The following CFAP95 variants were observed in gnomAD, a reference collection of about 807,000 sequenced individuals.
CFAP95 encodes the protein cilia- and flagella-associated protein 95.
chr9:69,852,272 T>A, the CFAP95 span, among the ~76,000 whole-genome samples: 4 of 152,126 alleles, frequency 2.6e-5, no homozygotes, highest in Non-Finnish European at 5.9e-5. Context: ...AGATCTAAGA[T>A]AATAGATGCC....
At chr9:69,857,900 T>G in the CFAP95 span, 1 of 1,611,678 alleles carries the variant, frequency 6.2e-7, no homozygotes, top group African/African-American at 1.3e-5. Flanking sequence ...AAATGTTATC[T>G]TGTTTTAGGG....
At chr9:69,856,506 A>G in the CFAP95 span, 7 of 1,093,762 alleles carry the variant, frequency 6.4e-6, no homozygotes, top group South Asian at 1.4e-5. Flanking sequence ...GTAACTGACC[A>G]TTTGTAGTGA....
the CFAP95 span, among the ~76,000 whole-genome samples, chr9:69,836,229 C>T: frequency 2.0e-5 from 3 of 152,188 alleles, no homozygotes; most frequent in Admixed American, 1.3e-4. Flanking sequence ...AGTTTGGCTG[C>T]TCCATGAAGC....
chr9:69,906,177 G>A, the CFAP95 span: 1 of 1,452,966 alleles, frequency 6.9e-7, no homozygotes, highest in African/African-American at 1.4e-5. Context: ...AATGAAAAAT[G>A]GATGTAGCAG....
the CFAP95 span, chr9:69,884,920 A>G: frequency 6.6e-6 from 1 of 152,120 alleles, no homozygotes; most frequent in African/African-American, 2.4e-5. Flanking sequence ...TTTAATCATT[A>G]GTACTCAAAC....
the CFAP95 span, among the ~76,000 whole-genome samples, chr9:69,863,183 C>A: frequency 6.6e-6 from 1 of 152,206 alleles, no homozygotes; most frequent in East Asian, 1.9e-4. Flanking sequence ...AGTGAGTCTC[C>A]AAGGAATTGA....
the CFAP95 span, among the ~76,000 whole-genome samples, chr9:69,869,872 CATAAT>C: frequency 1.3e-5 from 2 of 152,070 alleles, no homozygotes; most frequent in African/African-American, 4.8e-5. Flanking sequence ...TATTACTCTT[CATAAT>C]ATTTAAAGTT....
At chr9:69,892,765 T>C in the CFAP95 span, among the ~76,000 whole-genome samples, 2 of 152,254 alleles carry the variant, frequency 1.3e-5, no homozygotes, top group African/African-American at 2.4e-5. Context: ...CAGTCAGACA[T>C]TGGAGAGAAG....
At chr9:69,844,422 T>C in the CFAP95 span, 1 of 690,110 alleles carries the variant, frequency 1.4e-6, no homozygotes, top group Non-Finnish European at 2.3e-6. Context: ...ATACTACAAA[T>C]ATAGAAAATT....
chr9:69,824,107 A>G, the CFAP95 span, among the ~76,000 whole-genome samples: 1 of 152,238 alleles, frequency 6.6e-6, no homozygotes, highest in African/African-American at 2.4e-5. Context: ...AATAATATCA[A>G]TAAATTCAGT....
the CFAP95 span, among the ~76,000 whole-genome samples, chr9:69,882,066 G>A: frequency 6.6e-6 from 1 of 151,330 alleles, no homozygotes; most frequent in Non-Finnish European, 1.5e-5. Context: ...CACTGCAACC[G>A]CTGCCTCCCA....
the CFAP95 span, among the ~76,000 whole-genome samples, chr9:69,885,490 A>T: frequency 6.6e-6 from 1 of 152,160 alleles, no homozygotes; most frequent in Admixed American, 6.5e-5. Context: ...CCTCCTGTGA[A>T]TCTAAGGCCA....
At chr9:69,823,675 C>T in the CFAP95 span, among the ~76,000 whole-genome samples, 8 of 152,260 alleles carry the variant, frequency 5.3e-5, no homozygotes, top group South Asian at 1.7e-3. Context: ...AGCAACAAGG[C>T]TGTTTATTTC....
the CFAP95 span, among the ~76,000 whole-genome samples, chr9:69,862,699 A>C: frequency 6.6e-6 from 1 of 152,210 alleles, no homozygotes; most frequent in Non-Finnish European, 1.5e-5. Flanking sequence ...GATAAGGTAT[A>C]GTTTTGTTAT....
chr9:69,895,000 G>GA, the CFAP95 span, among the ~76,000 whole-genome samples: 36 of 128,930 alleles, frequency 2.8e-4, no homozygotes, highest in Admixed American at 3.8e-4. Context: ...CAAAAAAAAA[G>GA]AAAAAAAAAA....
At chr9:69,873,359 C>T in the CFAP95 span, among the ~76,000 whole-genome samples, 1 of 152,128 alleles carries the variant, frequency 6.6e-6, no homozygotes, top group Non-Finnish European at 1.5e-5. Flanking sequence ...GCTAATTCAG[C>T]AGGTAGAAGT....
the CFAP95 span, among the ~76,000 whole-genome samples, chr9:69,849,548 A>G: frequency 1.3e-5 from 2 of 152,180 alleles, no homozygotes; most frequent in African/African-American, 2.4e-5. Context: ...GGAACACATA[A>G]CCACGGTGGC....
the CFAP95 span, among the ~76,000 whole-genome samples, chr9:69,864,740 T>C: frequency 1.3e-5 from 2 of 152,150 alleles, no homozygotes; most frequent in Non-Finnish European, 2.9e-5. Context: ...TCTGAGACAT[T>C]AGCATCTATA....
chr9:69,821,951 G>T, the CFAP95 span, among the ~76,000 whole-genome samples: 3 of 152,130 alleles, frequency 2.0e-5, no homozygotes, highest in Admixed American at 2.0e-4. Context: ...GTAAGTTCTT[G>T]CTTGGCCCCA....
Sources: allele counts gnomAD v4.1 joint callset (sites outside exome capture counted in the v4.1 genomes callset), GRCh38; gene constraint gnomAD v4.1.1; transcripts MANE v1.5; gene names NCBI Gene and HGNC (gene_info 2026-07-23, HGNC 2026-07-21).